The following CERS6 variants were observed in gnomAD, a reference collection of about 807,000 sequenced individuals.
CERS6 encodes LAG1 homolog, ceramide synthase 6.
CERS6 carries 26 observed loss-of-function variants against 56.8 expected under a neutral mutation model. The ratio of observed to expected loss-of-function variants is 0.46; its 90% CI spans 0.34 to 0.63. The LOEUF is 0.63. CERS6 is among the 30% of genes least tolerant of loss of function. The probability of loss-of-function intolerance (pLI) is 0.01; values close to 1 mark genes in which losing one functional copy is unlikely to be tolerated. For missense variants in CERS6, 415 were observed against 467.5 expected, an observed-to-expected ratio of 0.89 and a Z score of 1.04; for synonymous variants, 164 against 173.3, an observed-to-expected ratio of 0.95 and a Z score of 0.42.
intron 6 of CERS6, among the ~76,000 whole-genome samples, chr2:168,705,663 T>C (rs1686921694): frequency 6.6e-6 from 1 of 152,188 alleles, no homozygotes; most frequent in Non-Finnish European, 1.5e-5. Context: ...GGTTACCCAT[T>C]GTCAATTTAG....
chr2:168,485,024 G>T (rs1157926846), intron 1 of CERS6, among the ~76,000 whole-genome samples: 1 of 152,168 alleles, frequency 6.6e-6, no homozygotes, highest in Non-Finnish European at 1.5e-5. Context: ...GCTCTCATTA[G>T]GTGGTTTTCT....
intron 3 of CERS6, among the ~76,000 whole-genome samples, chr2:168,627,253 T>G (rs1684611089): frequency 6.6e-6 from 1 of 152,204 alleles, no homozygotes; most frequent in Non-Finnish European, 1.5e-5. Flanking sequence ...GAGCATTTAA[T>G]TTGGCAATGA....
chr2:168,630,107 C>A (rs1033485442), intron 3 of CERS6, among the ~76,000 whole-genome samples: 4 of 152,018 alleles, frequency 2.6e-5, no homozygotes, highest in African/African-American at 9.7e-5. Flanking sequence ...TGAGCCAACA[C>A]GCCCAGCCCT....
At chr2:168,713,165 A>C (rs528119967) in intron 6 of CERS6, among the ~76,000 whole-genome samples, 1 of 152,290 alleles carries the variant, frequency 6.6e-6, no homozygotes, top group African/African-American at 2.4e-5. Flanking sequence ...TTTTTAATGA[A>C]TAAATGACCA....
At chr2:168,637,111 C>T (rs541656563) in intron 4 of CERS6, among the ~76,000 whole-genome samples, 48 of 152,272 alleles carry the variant, frequency 3.2e-4, no homozygotes, top group South Asian at 2.3e-3. Flanking sequence ...TGGAAGGTGG[C>T]ACAGTAATGC....
intron 1 of CERS6, among the ~76,000 whole-genome samples, chr2:168,476,555 T>G (rs921637559): frequency 6.6e-6 from 1 of 152,140 alleles, no homozygotes; most frequent in African/African-American, 2.4e-5. Context: ...ATGATCTTGG[T>G]GGCTGAGACG....
At chr2:168,589,972 A>C (rs1408035823) in intron 3 of CERS6, among the ~76,000 whole-genome samples, 1 of 152,230 alleles carries the variant, frequency 6.6e-6, no homozygotes, top group African/African-American at 2.4e-5. Context: ...ACAGACCATG[A>C]GTTAATGAAG....
At chr2:168,618,820 A>G (rs1412011304) in intron 3 of CERS6, among the ~76,000 whole-genome samples, 4 of 152,176 alleles carry the variant, frequency 2.6e-5, no homozygotes, top group Non-Finnish European at 5.9e-5. Flanking sequence ...GCAATCTACA[A>G]ATTCAGTGCA....
chr2:168,571,520 A>G (rs1386332422), intron 3 of CERS6, among the ~76,000 whole-genome samples: 1 of 152,114 alleles, frequency 6.6e-6, no homozygotes, highest in Non-Finnish European at 1.5e-5. Flanking sequence ...TCAAGTTGGA[A>G]TGATTTGAGC....
intron 3 of CERS6, among the ~76,000 whole-genome samples, chr2:168,628,947 T>C (rs1222567678): frequency 3.9e-5 from 6 of 152,202 alleles, no homozygotes; most frequent in Non-Finnish European, 8.8e-5. Context: ...TGGGAGGGAC[T>C]ATATCAGGGA....
Position 168,666,156 on chromosome 2 carries a change from A to G in CERS6, c.466-24878A>G, listed in dbSNP as rs545073574. On this transcript the variant is annotated intron_variant, in intron 4 of 9. Transcript: ENST00000305747. Reference sequence around the variant, plus strand: ...GTTACAGTTGATGAGCCAATATTAAAACACTATTGTTGGCTAAAGTGCATA... The same window carrying G: ...GTTACAGTTGATGAGCCAATATTAAGACACTATTGTTGGCTAAAGTGCATA... Among the ~76,000 whole-genome samples, 4 of 152,298 alleles carry G rather than the reference A, an allele frequency of 2.6e-5. No individual in the cohort carries two copies. The South Asian group carries it at 6.2e-4, about 24-fold the overall frequency.
intron 3 of CERS6, among the ~76,000 whole-genome samples, chr2:168,566,809 A>AC (rs372819094): frequency 0.048 from 7,267 of 151,780 alleles, 607 homozygotes; most frequent in African/African-American, 0.16. Context: ...GCAAAAAAAA[A>AC]AAAACCCTGA....
chr2:168,694,585 C>G (rs535738386), intron 5 of CERS6, among the ~76,000 whole-genome samples: 1 of 152,226 alleles, frequency 6.6e-6, no homozygotes, highest in South Asian at 2.1e-4. Flanking sequence ...CTGTCTTGTC[C>G]CTATACTTGC....
At chr2:168,545,741 CAG>C (rs1558991986) in intron 1 of CERS6, among the ~76,000 whole-genome samples, 1 of 152,186 alleles carries the variant, frequency 6.6e-6, no homozygotes, top group Non-Finnish European at 1.5e-5. Context: ...GGCATTGTCA[CAG>C]GGCATACAAA....
intron 1 of CERS6, among the ~76,000 whole-genome samples, chr2:168,457,117 G>A (rs998504675): frequency 6.6e-6 from 1 of 152,268 alleles, no homozygotes; most frequent in African/African-American, 2.4e-5. Context: ...CACACGGATT[G>A]TAGGGGTTGT....
chr2:168,667,779 A>G (rs1685801568), intron 4 of CERS6, among the ~76,000 whole-genome samples: 1 of 152,216 alleles, frequency 6.6e-6, no homozygotes, highest in Admixed American at 6.5e-5. Flanking sequence ...TACTACATCC[A>G]AGATAATAGG....
chr2:168,759,559 A>G (rs1295109357), intron 8 of CERS6, among the ~76,000 whole-genome samples: 2 of 152,108 alleles, frequency 1.3e-5, no homozygotes, highest in African/African-American at 2.4e-5. Context: ...GTTGAATACA[A>G]ATTCATCTGT....
chr2:168,742,470 T>C (rs1406438801), intron 8 of CERS6, among the ~76,000 whole-genome samples: 2 of 152,238 alleles, frequency 1.3e-5, no homozygotes, highest in African/African-American at 4.8e-5. Context: ...GGCTGTCCTT[T>C]TGCTTGGAAT....
At chr2:168,748,838 G>GT (rs1267233427) in intron 8 of CERS6, among the ~76,000 whole-genome samples, 5 of 135,372 alleles carry the variant, frequency 3.7e-5, no homozygotes, top group Non-Finnish European at 3.2e-5. Context: ...GGGTGGGGGG[G>GT]GGGCAGGTAT....
Sources: allele counts gnomAD v4.1 joint callset (sites outside exome capture counted in the v4.1 genomes callset), GRCh38; gene constraint gnomAD v4.1.1; transcripts MANE v1.5; gene names NCBI Gene and HGNC (gene_info 2026-07-23, HGNC 2026-07-21).